CEP164: variants seen among roughly 807,000 people sequenced by gnomAD.
CEP164 encodes the protein centrosomal protein of 164 kDa.
Under a neutral mutation model 182.7 loss-of-function variants are expected in CEP164, and 162 were observed. The observed-to-expected ratio is 0.89, with a 90% CI of 0.78 to 1.01. The LOEUF is 1.01. CEP164 is among the 50% of genes least tolerant of loss of function. The pLI is 0.00. For missense variants in CEP164, 1,735 were observed against 1,790.4 expected, an observed-to-expected ratio of 0.97 and a Z score of 0.56; for synonymous variants, 661 against 690.0, an observed-to-expected ratio of 0.96 and a Z score of 0.66.
In CEP164 at chr11:117,341,557, C is replaced by T. The variant is rs150159852; in HGVS notation, c.83-2609C>T. On this transcript the variant is annotated intron_variant, in intron 3 of 32. Transcript: ENST00000278935. ...CCCTTGGGCTCAAGTGATTCTCCCA[C>T]CTCAGCCTCCCAAGTAGCTGGGACC... Among the ~76,000 whole-genome samples the T allele has an allele frequency of 7.9e-3, 1,201 of 152,016 alleles. 27 individuals carry two copies. Among genetic ancestry groups the T allele is most frequent in the African/African-American group, 0.026 (1,075 of 41,466 alleles).
rs535013030 is a variant in CEP164 at position 117,393,063 on chromosome 11, G to C, written c.2553G>C (p.Leu851Phe). The C allele has an allele frequency of 6.2e-7, 1 of 1,613,808 alleles. No individual in the cohort carries two copies. The highest frequency in any genetic ancestry group is 2.2e-5 in the East Asian group (1 of 44,886). The change falls in exon 20 of 33, where the codon TTG becomes TTC. Residue 851 changes from leucine (L) to phenylalanine (F), a missense_variant. By Grantham distance (22) the Leu-to-Phe change is conservative. Coordinates refer to ENST00000278935, the MANE Select transcript of CEP164 (RefSeq NM_014956.5). ...TGGAAGGGGAGCATGAGAGGAGGTT[G>C]GACAAGATGAAGGAGGAGCACCAGC... ...QEVEGEHERR[L>F]DKMKEEHQQV...
In CEP164 at chr11:117,336,098, G is replaced by A. The variant is rs1465821090; in HGVS notation, c.-22+418G>A. Among the ~76,000 whole-genome samples, 5 of 152,080 alleles carry A rather than the reference G, an allele frequency of 3.3e-5. No individual in the cohort carries two copies. The East Asian group carries it at 7.7e-4, about 23-fold the overall frequency. ...GTGAGGCTCAGGTTGGGGGTGGGGT[G>A]GGGGGAGCACAAGGGCTACTTTCCC... is the stretch of plus-strand genomic sequence containing the variant. On this transcript the variant is annotated intron_variant, in intron 2 of 32. Coordinates refer to ENST00000278935, the MANE Select transcript of CEP164 (RefSeq NM_014956.5).
chr11:117,363,612 T>A, intron 8 of CEP164, 106 bp downstream of exon 8: 1 of 766,928 alleles, frequency 1.3e-6, no homozygotes, highest in Non-Finnish European at 2.1e-6. Context: ...AAAAGAACCA[T>A]TTTGTCCCAG....
At chr11:117,341,012 A>T (rs2038034927) in intron 3 of CEP164, among the ~76,000 whole-genome samples, 2 of 152,100 alleles carry the variant, frequency 1.3e-5, no homozygotes, top group South Asian at 2.1e-4. Flanking sequence ...TTTTTAGCAG[A>T]GACAGGGTTT....
At chr11:117,354,844 G>C in intron 5 of CEP164, 2 of 1,010,782 alleles carry the variant, frequency 2.0e-6, no homozygotes, top group Non-Finnish European at 2.5e-6. Context: ...GTGGGTTTTT[G>C]CTGAGGGCTT....
At chr11:117,327,467 T>C (rs1363524208), upstream of CEP164, among the ~76,000 whole-genome samples, 6 of 149,934 alleles carry the variant, frequency 4.0e-5, no homozygotes, top group African/African-American at 1.5e-4. Flanking sequence ...CTCTTTTTTT[T>C]TTTTTTTTTT....
upstream of CEP164, among the ~76,000 whole-genome samples, chr11:117,323,325 A>T (rs1009847206): frequency 2.0e-5 from 3 of 151,434 alleles, no homozygotes; most frequent in African/African-American, 7.3e-5. Context: ...TTTTAATTCC[A>T]CATGACTGAG....
rs140391148 is a variant in CEP164 at position 117,397,173 on chromosome 11, A to G, written c.3361A>G (p.Thr1121Ala). Residue 1121 changes from threonine (T) to alanine (A), a missense_variant, in exon 27 of 33, where the codon ACA becomes GCA. Transcript: ENST00000278935. ...RSAKEFLVQQ[T>A]RSMRRRQTAL... ...TGCCAAGGAGTTCCTTGTGCAGCAGACACGCTCCATGCGGAGGCGGCAGAC... is the reference window on the plus strand; with the variant it reads ...TGCCAAGGAGTTCCTTGTGCAGCAGGCACGCTCCATGCGGAGGCGGCAGAC... The G allele has an allele frequency of 3.1e-6, 5 of 1,614,154 alleles. No individual in the cohort carries two copies. Among genetic ancestry groups the G allele is most frequent in the Non-Finnish European group, 4.2e-6 (5 of 1,179,942 alleles).
At chr11:117,356,572 C>T in intron 5 of CEP164, 1 of 1,288,986 alleles carries the variant, frequency 7.8e-7, no homozygotes, top group South Asian at 1.2e-5. Flanking sequence ...AGAGCTCCAG[C>T]AGAGGGCTTA....
chr11:117,403,182 T>C (rs1371831526), intron 27 of CEP164, among the ~76,000 whole-genome samples: 2 of 152,236 alleles, frequency 1.3e-5, no homozygotes, highest in African/African-American at 4.8e-5. Context: ...AAGGCTAATA[T>C]TGTTATGTGT....
Position 117,409,353 on chromosome 11 carries a change from C to T in CEP164, c.3749-265C>T. ...CCCTGGCCTGTATGTGACAGAAGGG[C>T]CCTCTCCCCTTCCTTCTCTCTGGGG... On this transcript the variant is annotated intron_variant, in intron 29 of 32. Coordinates refer to ENST00000278935, the MANE Select transcript of CEP164 (RefSeq NM_014956.5). The surrounding 1 kb of genome is among the most constrained non-coding windows in gnomAD (Gnocchi z 4.4). 3 of 571,856 alleles carry T rather than the reference C, an allele frequency of 5.2e-6. No homozygotes were observed. Among genetic ancestry groups the T allele is most frequent in the Non-Finnish European group, 9.3e-6 (3 of 323,246 alleles). The allele number at this position is 571,856 out of a possible 1,614,324, so 35.4% of individuals were successfully genotyped here.
intron 1 of CEP164, among the ~76,000 whole-genome samples, chr11:117,330,875 G>A (rs2036093807): frequency 6.6e-6 from 1 of 152,198 alleles, no homozygotes; most frequent in Non-Finnish European, 1.5e-5. Flanking sequence ...GATGGATATT[G>A]TTAGTACTCT....
At chr11:117,341,001 A>G (rs974303644) in intron 3 of CEP164, among the ~76,000 whole-genome samples, 1 of 152,038 alleles carries the variant, frequency 6.6e-6, no homozygotes, top group Non-Finnish European at 1.5e-5. Flanking sequence ...TAATTTTTGT[A>G]TTTTTAGCAG....
intron 1 of CEP164, among the ~76,000 whole-genome samples, chr11:117,322,611 C>G (rs951139769): frequency 1.3e-5 from 2 of 151,582 alleles, no homozygotes; most frequent in Non-Finnish European, 2.9e-5. Context: ...AGCTGGAGTG[C>G]ATGGCACGAT....
At position 117,412,089 on chromosome 11, in the gene CEP164, C is replaced by T. The variant is rs201252589; in HGVS notation, c.4304C>T (p.Thr1435Ile). 1 of 1,614,186 alleles carries T rather than the reference C, an allele frequency of 6.2e-7. No homozygotes were observed. The highest frequency in any genetic ancestry group is 1.1e-5 in the South Asian group (1 of 91,082). Residue 1435 changes from threonine (T) to isoleucine (I), a missense_variant, in exon 33 of 33, where the codon ACA (threonine) becomes ATA (isoleucine). Coordinates refer to ENST00000278935, the MANE Select transcript of CEP164 (RefSeq NM_014956.5). ...GTGGCCAGACCTCTCTTCTCGTCAA[C>T]ACCCAAGCCAAAAGCTACTTTGAGC... The part of the protein sequence containing the change: ...NDPRLPLFSS[T>I]PKPKATLSLL...
chr11:117,410,592 A>G, intron 30 of CEP164: 2 of 439,194 alleles, frequency 4.6e-6, no homozygotes, highest in Non-Finnish European at 8.3e-6. Flanking sequence ...ATGAAAAGCC[A>G]TAAAACAAGG....
chr11:117,381,891 T>G (rs532982072), intron 13 of CEP164, 23 bp downstream of exon 13: 1 of 1,457,638 alleles, frequency 6.9e-7, no homozygotes, highest in Non-Finnish European at 9.1e-7. Flanking sequence ...GGAAGCATCC[T>G]CATGAGGATG....
intron 4 of CEP164, among the ~76,000 whole-genome samples, chr11:117,346,344 C>T (rs1242981796): frequency 1.3e-5 from 2 of 151,938 alleles, no homozygotes; most frequent in Non-Finnish European, 2.9e-5. Flanking sequence ...TCTTGGCTCA[C>T]TGCAACCTCG....
chr11:117,339,682 C>G (rs2037806761), intron 3 of CEP164, among the ~76,000 whole-genome samples: 1 of 151,742 alleles, frequency 6.6e-6, no homozygotes, highest in African/African-American at 2.4e-5. Context: ...GTGCCCACCA[C>G]CACACCTGGG....
Sources: gnomAD v4.1 joint callset for allele counts (sites outside exome capture counted in the v4.1 genomes callset) on GRCh38, gnomAD v4.1.1 for gene constraint, Gnocchi (gnomAD v3.1) non-coding constraint, MANE v1.5 for transcripts, NCBI Gene and HGNC (gene_info 2026-07-23, HGNC 2026-07-21) for gene names.